The following CCNH variants were observed in gnomAD, a reference collection of about 807,000 sequenced individuals.
The protein encoded by CCNH is cyclin-H.
Under a neutral mutation model 41.9 loss-of-function variants are expected in CCNH, and 31 were observed. The ratio of observed to expected loss-of-function variants is 0.74; its 90% CI spans 0.56 to 1.00. The LOEUF (loss-of-function observed/expected upper bound fraction) is 1.00, where lower values mean the gene tolerates loss of function less well. Among genes scored for constraint, CCNH ranks in the 50% least tolerant of loss-of-function variants. The pLI, the probability that CCNH is intolerant of heterozygous loss-of-function variation, is 0.00. For missense variants in CCNH, 362 were observed against 388.4 expected (o/e 0.93, Z 0.57); for synonymous variants, 138 against 136.1 (o/e 1.01, Z -0.10).
At chr5:87,390,696 A>T, downstream of CCNH, 3 of 859,286 alleles carry the variant, frequency 3.5e-6, no homozygotes, top group Non-Finnish European at 5.9e-6. Context: ...GTAATATTTT[A>T]TGCATCCTTT....
At chr5:87,363,631 T>C in intron 9 of CCNH, 1 of 1,080,628 alleles carries the variant, frequency 9.3e-7, no homozygotes, top group African/African-American at 1.6e-5. Context: ...TTCTAGGTAA[T>C]TTTTGCCTTC....
At chr5:87,356,383 A>AGT (rs1554047341) in intron 9 of CCNH, among the ~76,000 whole-genome samples, 1,670 of 141,736 alleles carry the variant, frequency 0.012, 21 homozygotes, top group African/African-American at 0.028. Context: ...GATGATTGTT[A>AGT]TTTTTTTTTT....
At chr5:87,337,581 C>G (rs1758062599) in intron 9 of CCNH, among the ~76,000 whole-genome samples, 1 of 151,948 alleles carries the variant, frequency 6.6e-6, no homozygotes, top group Non-Finnish European at 1.5e-5. Context: ...TTTATATCTA[C>G]CCTACATCTG....
chr5:87,379,648 T>A, upstream of CCNH: 1 of 1,525,722 alleles, frequency 6.6e-7, no homozygotes, highest in Admixed American at 2.0e-5. Context: ...ATAGACAACC[T>A]CGAAAACTAT....
intron 5 of CCNH, 34 bp from the exon 6 acceptor site, chr5:87,401,806 A>T (rs761110787): frequency 1.7e-5 from 21 of 1,222,450 alleles, no homozygotes; most frequent in Non-Finnish European, 2.4e-5. Flanking sequence ...TCTATTGAAA[A>T]CATACAGCAC....
chr5:87,368,075 T>G (rs1291611274), intron 9 of CCNH, among the ~76,000 whole-genome samples: 11 of 152,220 alleles, frequency 7.2e-5, no homozygotes, highest in Admixed American at 5.2e-4. Flanking sequence ...GTTTAAATGT[T>G]TAGTATCTAA....
intron 9 of CCNH, among the ~76,000 whole-genome samples, chr5:87,340,161 C>T (rs1185657118): frequency 6.6e-6 from 1 of 152,118 alleles, no homozygotes; most frequent in Non-Finnish European, 1.5e-5. Context: ...TCTTCCTTGA[C>T]ATTCTTGCCC....
At chr5:87,356,771 ATAACT>A (rs1399582101) in intron 9 of CCNH, among the ~76,000 whole-genome samples, 2 of 152,216 alleles carry the variant, frequency 1.3e-5, no homozygotes, top group African/African-American at 2.4e-5. Context: ...AGTTGTAAAC[ATAACT>A]TATACGTGCA....
chr5:87,368,095 T>C (rs1231464934), intron 9 of CCNH, among the ~76,000 whole-genome samples: 4 of 152,156 alleles, frequency 2.6e-5, no homozygotes, highest in Admixed American at 2.0e-4. Context: ...ATTTAAACAG[T>C]TGTTCTGCCA....
At chr5:87,369,285 A>G (rs1760752882) in intron 9 of CCNH, among the ~76,000 whole-genome samples, 1 of 152,210 alleles carries the variant, frequency 6.6e-6, no homozygotes, top group South Asian at 2.1e-4. Context: ...AAGGAAGACA[A>G]GAACATTTGT....
intron 4 of CCNH, among the ~76,000 whole-genome samples, chr5:87,405,325 A>T (rs1031950827): frequency 6.6e-6 from 1 of 152,194 alleles, no homozygotes; most frequent in Non-Finnish European, 1.5e-5. Flanking sequence ...GTAGGAATAC[A>T]CCTTATTTTT....
At chr5:87,379,928 C>A (rs145658483), upstream of CCNH, 749 of 1,398,904 alleles carry the variant, frequency 5.4e-4, 3 homozygotes, top group African/African-American at 9.7e-3. Context: ...AACGTGAAAG[C>A]TTTTCTGTTG....
Position 87,395,052 on chromosome 5 carries a change from G to A in CCNH, c.925C>T (p.His309Tyr), listed in dbSNP as rs1213935250. The stretch of plus-strand genomic sequence containing the variant: ...TTTGGAGTAAAACATACCTCCTCAT[G>A]TTTGGATTTCTTTGAGACGTAATCA... Reference protein sequence around the residue: ...DDDYVSKKSKHEEEEWTDDDL... With the variant: ...DDDYVSKKSKYEEEEWTDDDL... The change falls in exon 8 of 9, where the codon CAT (histidine) becomes TAT (tyrosine). Residue 309 changes from histidine to tyrosine, a missense_variant. Physicochemically the swap from His to Tyr is moderately conservative, Grantham distance 83. Transcript: ENST00000256897. 1.1e-5 allele frequency: 17 copies of A among 1,610,560 alleles called. No individual in the cohort carries two copies. The highest frequency in any genetic ancestry group is 1.4e-5 in the Non-Finnish European group (16 of 1,177,128).
chr5:87,408,212 A>G (rs1310918759), intron 3 of CCNH, 26 bp from the exon 4 acceptor site: 3 of 686,326 alleles, frequency 4.4e-6, no homozygotes, highest in Non-Finnish European at 7.2e-6. Context: ...AGGAGGCAGG[A>G]GGCAGGGGGT....
chr5:87,352,284 A>G (rs1759329837), intron 9 of CCNH, among the ~76,000 whole-genome samples: 1 of 150,402 alleles, frequency 6.6e-6, no homozygotes, highest in South Asian at 2.1e-4. Context: ...TAGTATAGGG[A>G]AGATAACATA....
upstream of CCNH, chr5:87,379,919 AC>A (rs1337640982): frequency 2.0e-6 from 3 of 1,465,180 alleles, no homozygotes; most frequent in Non-Finnish European, 2.8e-6. Context: ...TATTTCTAAA[AC>A]GTGAAAGCTT....
At chr5:87,371,795 G>T (rs1760962190), downstream of CCNH, among the ~76,000 whole-genome samples, 1 of 152,010 alleles carries the variant, frequency 6.6e-6, no homozygotes, top group Admixed American at 6.6e-5. Flanking sequence ...TTTCCCCAAG[G>T]TAGTATCTGT....
At chr5:87,389,395 T>C (rs780133715), downstream of CCNH, 7 of 1,614,094 alleles carry the variant, frequency 4.3e-6, no homozygotes, top group Non-Finnish European at 5.9e-6. Flanking sequence ...CCTTAAAGAA[T>C]GTACCTGAAC....
chr5:87,355,138 G>C (rs758007387), intron 9 of CCNH, among the ~76,000 whole-genome samples: 14 of 152,156 alleles, frequency 9.2e-5, no homozygotes, highest in Non-Finnish European at 1.8e-4. Flanking sequence ...TAACTAGCAA[G>C]TTATCCAGAA....
Sources: gnomAD v4.1 joint callset for allele counts (sites outside exome capture counted in the v4.1 genomes callset) on GRCh38, gnomAD v4.1.1 for gene constraint, MANE v1.5 for transcripts, NCBI Gene and HGNC (gene_info 2026-07-23, HGNC 2026-07-21) for gene names.